STK39: variants seen among roughly 807,000 people sequenced by gnomAD.
STK39 encodes STE20/SPS1-related proline-alanine-rich protein kinase.
Under a neutral mutation model 77.8 loss-of-function variants are expected in STK39, and 20 were observed. That is an observed-to-expected ratio of 0.26 (90% CI 0.18 to 0.37). The LOEUF is 0.37. Among genes scored for constraint, STK39 ranks in the 10% least tolerant of loss-of-function variants. The pLI is 1.00. For synonymous variants in STK39, 246 were observed against 234.1 expected (o/e 1.05, Z -0.47); for missense variants, 479 against 656.5 (o/e 0.73, Z 2.95).
At chr2:168,083,432 C>T (rs533213218) in intron 10 of STK39, among the ~76,000 whole-genome samples, 14 of 152,272 alleles carry the variant, frequency 9.2e-5, no homozygotes, top group Non-Finnish European at 1.8e-4. Context: ...TGACTACCTT[C>T]GTCTACCAAG....
At chr2:168,174,474 C>T (rs1057403009) in intron 2 of STK39, among the ~76,000 whole-genome samples, 1 of 151,984 alleles carries the variant, frequency 6.6e-6, no homozygotes, top group Non-Finnish European at 1.5e-5. Context: ...GCAAAAAATA[C>T]AGTAGTGATA....
At chr2:168,151,653 C>T (rs1398714924) in intron 5 of STK39, among the ~76,000 whole-genome samples, 7 of 151,248 alleles carry the variant, frequency 4.6e-5, no homozygotes, top group Non-Finnish European at 7.4e-5. Context: ...GCAGGAGAAT[C>T]GCTTGAACCC....
intron 1 of STK39, among the ~76,000 whole-genome samples, chr2:168,197,986 C>T (rs960942635): frequency 6.7e-6 from 1 of 149,462 alleles, no homozygotes; most frequent in East Asian, 2.0e-4. Context: ...TGCAGTGAGC[C>T]GAGACTGTGC....
At position 168,229,051 on chromosome 2, in the gene STK39, T is replaced by C. The variant is rs76056075; in HGVS notation, c.208+18177A>G. ...GCATATAATATTTTATGATAAGGGC[T>C]TTTACCAGACTTTACAACTTAATAA... is the stretch of plus-strand genomic sequence containing the variant. On this transcript the variant is annotated intron_variant, in intron 1 of 17. Transcript: ENST00000355999. Among the ~76,000 whole-genome samples the C allele has an allele frequency of 6.1e-3, 931 of 152,210 alleles. 6 individuals carry two copies. The highest frequency in any genetic ancestry group is 0.018 in the African/African-American group (754 of 41,536).
chr2:168,068,598 T>A lies in STK39; in HGVS notation c.1243-3217A>T, dbSNP rs984760839. On this transcript the variant is annotated intron_variant, in intron 12 of 17. Transcript: ENST00000355999. Reference sequence around the variant, plus strand: ...TTGCATGAGGAATATATGGGAACTCTGCACTGTCCCTGCAACGTTTCTATA... The same window carrying A: ...TTGCATGAGGAATATATGGGAACTCAGCACTGTCCCTGCAACGTTTCTATA... 3.9e-5 allele frequency among the ~76,000 whole-genome samples: 6 copies of A among 152,240 alleles called. No individual in the cohort carries two copies. In the East Asian group the frequency reaches 1.2e-3, roughly 29 times the overall value.
chr2:167,961,347 T>C (rs1691954858), intron 17 of STK39, among the ~76,000 whole-genome samples: 1 of 152,254 alleles, frequency 6.6e-6, no homozygotes, highest in South Asian at 2.1e-4. Flanking sequence ...AACTAAAGTC[T>C]ATAATGCTCA....
At position 168,053,305 on chromosome 2, in the gene STK39, A is replaced by T. The variant is rs147194710; in HGVS notation, c.1376+10195T>A. ...CGATATGAAAAGGTATCCAGGACAT[A>T]CTACCAAAGTAAACAGAGCAGATTA... On this transcript the variant is annotated intron_variant, in intron 14 of 17. Coordinates refer to ENST00000355999, the MANE Select transcript of STK39 (RefSeq NM_013233.3). Among the ~76,000 whole-genome samples the T allele has an allele frequency of 8.8e-3, 1,343 of 152,332 alleles. 19 individuals are homozygous for T. The highest frequency in any genetic ancestry group is 0.031 in the African/African-American group (1,284 of 41,570).
intron 16 of STK39, among the ~76,000 whole-genome samples, chr2:167,976,265 G>T (rs1248278970): frequency 6.6e-6 from 1 of 152,196 alleles, no homozygotes; most frequent in African/African-American, 2.4e-5. Context: ...AGAAAAAACA[G>T]TAGTTAGAAA....
intron 16 of STK39, among the ~76,000 whole-genome samples, chr2:167,998,940 G>C (rs1683922614): frequency 6.6e-6 from 1 of 152,170 alleles, no homozygotes; most frequent in South Asian, 2.1e-4. Context: ...GCATTTATTT[G>C]CCCTCTTGGA....
At chr2:167,956,365 T>C (rs1691763459) in intron 17 of STK39, among the ~76,000 whole-genome samples, 1 of 152,148 alleles carries the variant, frequency 6.6e-6, no homozygotes, top group African/African-American at 2.4e-5. Context: ...GAGACCATCC[T>C]GGCCAACATG....
chr2:168,171,536 A>AG (rs1216812382), intron 2 of STK39, among the ~76,000 whole-genome samples: 2 of 150,922 alleles, frequency 1.3e-5, no homozygotes, highest in Non-Finnish European at 2.9e-5. Flanking sequence ...TCCAGGCTGG[A>AG]GTGCAATGGC....
chr2:167,977,894 T>C (rs1268355709), intron 16 of STK39, among the ~76,000 whole-genome samples: 1 of 152,168 alleles, frequency 6.6e-6, no homozygotes, highest in Admixed American at 6.5e-5. Flanking sequence ...CTCAAATCAG[T>C]CTCCTACAGC....
At chr2:168,027,176 A>G (rs953799075) in intron 14 of STK39, among the ~76,000 whole-genome samples, 5 of 152,092 alleles carry the variant, frequency 3.3e-5, no homozygotes, top group African/African-American at 1.2e-4. Context: ...TGCTGAACCT[A>G]TCAGCACTGT....
intron 5 of STK39, among the ~76,000 whole-genome samples, chr2:168,161,328 T>A (rs3769388): frequency 6.6e-6 from 1 of 152,222 alleles, no homozygotes; most frequent in African/African-American, 2.4e-5. Context: ...TTGTCAAGAA[T>A]AGCCATGTTG....
intron 14 of STK39, among the ~76,000 whole-genome samples, chr2:168,019,845 A>C (rs1684527380): frequency 6.6e-6 from 1 of 152,128 alleles, no homozygotes; most frequent in Non-Finnish European, 1.5e-5. Flanking sequence ...CTGAGACTAC[A>C]GGAGTGTGCT....
intron 15 of STK39, among the ~76,000 whole-genome samples, chr2:168,013,873 G>C (rs376301660): frequency 1.3e-5 from 2 of 151,314 alleles, no homozygotes; most frequent in South Asian, 2.1e-4. Context: ...TGAGTGTGCA[G>C]CTGGAGGTAC....
At chr2:168,033,593 C>T (rs1684879767) in intron 14 of STK39, among the ~76,000 whole-genome samples, 1 of 152,208 alleles carries the variant, frequency 6.6e-6, no homozygotes, top group Admixed American at 6.5e-5. Flanking sequence ...TCAGGCTGTT[C>T]TGAAGTGTAC....
chr2:168,161,398 C>A (rs3769386), intron 5 of STK39, among the ~76,000 whole-genome samples: 5,095 of 152,194 alleles, frequency 0.033, 262 homozygotes, highest in East Asian at 0.24. Flanking sequence ...CTTTCAGATA[C>A]CTCTTAAGAA....
At chr2:168,241,648 C>A (rs1204634595) in intron 1 of STK39, among the ~76,000 whole-genome samples, 3 of 152,216 alleles carry the variant, frequency 2.0e-5, no homozygotes, top group African/African-American at 7.2e-5. Flanking sequence ...CCCACTTCCT[C>A]CCTGCTAGAA....
Sources: gnomAD v4.1 joint callset for allele counts (sites outside exome capture counted in the v4.1 genomes callset) on GRCh38, gnomAD v4.1.1 for gene constraint, MANE v1.5 for transcripts, NCBI Gene and HGNC (gene_info 2026-07-23, HGNC 2026-07-21) for gene names.